Variants in POU2F2 observed in about 807,000 individuals in gnomAD.
POU2F2 encodes the protein POU class 2 homeobox 2.
In POU2F2, 14 loss-of-function variants were observed where a neutral mutation model predicts 63.5. The observed-to-expected ratio is 0.22, with a 90% CI of 0.15 to 0.34. The LOEUF (loss-of-function observed/expected upper bound fraction) is 0.34, where lower values mean the gene tolerates loss of function less well. Among genes scored for constraint, POU2F2 ranks in the 10% least tolerant of loss-of-function variants. The pLI is 1.00. For missense variants in POU2F2, 607 were observed against 815.2 expected, an observed-to-expected ratio of 0.74 and a Z score of 3.11; for synonymous variants, 306 against 348.6, an observed-to-expected ratio of 0.88 and a Z score of 1.36.
At chr19:42,154,247 G>T (rs1477769315) in intron 2 of POU2F2, among the ~76,000 whole-genome samples, 2 of 151,682 alleles carry the variant, frequency 1.3e-5, no homozygotes, top group Non-Finnish European at 2.9e-5. Flanking sequence ...GGCAGGGATG[G>T]ACAGCCAGAG....
intron 1 of POU2F2, among the ~76,000 whole-genome samples, chr19:42,171,431 CGTGTGTGTGTGTGTGT>C (rs71336804): frequency 1.4e-5 from 2 of 138,544 alleles, no homozygotes; most frequent in Admixed American, 7.2e-5. Flanking sequence ...GGCTGCGCTT[CGTGTGTGTGTGTGTGT>C]GTGTGTGTGT....
chr19:42,149,301 C>T (rs2034293846), intron 2 of POU2F2, among the ~76,000 whole-genome samples: 1 of 152,306 alleles, frequency 6.6e-6, no homozygotes, highest in Middle Eastern at 3.4e-3. Flanking sequence ...TCCCTAGACA[C>T]TGACACTGCC....
rs114121475 is a variant in POU2F2, at chr19:42,111,741, A to C, written c.369+5509T>G. ...CATCCTCACCCTCCTGGCTCAAGCCACCCTCATGTCCCATCTGTATGCCTT... is the reference window on the plus strand; with the variant it reads ...CATCCTCACCCTCCTGGCTCAAGCCCCCCTCATGTCCCATCTGTATGCCTT... On this transcript the variant is annotated intron_variant, in intron 5 of 14. Transcript: ENST00000692977. Among the ~76,000 whole-genome samples, 1,001 of 152,166 alleles carry C rather than the reference A, an allele frequency of 6.6e-3. 14 individuals carry two copies. The highest frequency in any genetic ancestry group is 0.023 in the African/African-American group (958 of 41,488).
chr19:42,121,242 C>T (rs2032575943), intron 4 of POU2F2, among the ~76,000 whole-genome samples: 1 of 152,188 alleles, frequency 6.6e-6, no homozygotes, highest in Non-Finnish European at 1.5e-5. Context: ...GAGAGCCTGT[C>T]TCCCCTAGAC....
rs1174328639 is a variant in POU2F2, at chr19:42,096,499, C to T, written c.568-256G>A. 6.6e-6 allele frequency among the ~76,000 whole-genome samples: 1 copy of T among 152,228 alleles called. No homozygotes were observed. The highest frequency in any genetic ancestry group is 1.5e-5 in the Non-Finnish European group (1 of 68,040). ...CCTGGGACTCTCTGCACTGTCCCTT[C>T]ACGCCTGCGAACTCCCAGAAGGAGC... On this transcript the variant is annotated intron_variant, in intron 7 of 14. Coordinates refer to ENST00000692977, the MANE Select transcript of POU2F2 (RefSeq NM_001394376.1). The surrounding 1 kb of genome is among the most constrained non-coding windows in gnomAD (Gnocchi z 4.1).
intron 1 of POU2F2, among the ~76,000 whole-genome samples, chr19:42,184,738 C>A (rs1297905716): frequency 2.6e-5 from 4 of 152,162 alleles, no homozygotes; most frequent in Non-Finnish European, 5.9e-5. Context: ...ATCCTCTTGG[C>A]ATCTAAGAAA....
chr19:42,187,170 A>G (rs1159805449), intron 1 of POU2F2, among the ~76,000 whole-genome samples: 2 of 152,158 alleles, frequency 1.3e-5, no homozygotes, highest in Admixed American at 1.3e-4. Context: ...CCACATTTCA[A>G]AGGTGGGCAG....
At chr19:42,172,314 G>C (rs1316246006) in intron 1 of POU2F2, among the ~76,000 whole-genome samples, 1 of 152,168 alleles carries the variant, frequency 6.6e-6, no homozygotes, top group East Asian at 1.9e-4. Flanking sequence ...CAGAGTCTAG[G>C]CCTTTGTTGG....
In POU2F2 at chr19:42,138,506, G is replaced by A. The variant is rs1389101839; in HGVS notation, c.-8-15930C>T. ...TTGTCCTCAAGTTCCTTTGAGGTTG[G>A]ATTTGAAGTTGCAGGTGGAAGGCTT... On this transcript the variant is annotated intron_variant, in intron 2 of 6. Transcript: ENST00000524801. 2.6e-5 allele frequency among the ~76,000 whole-genome samples: 4 copies of A among 152,218 alleles called. No individual in the cohort carries two copies. In the East Asian group the frequency reaches 7.7e-4, roughly 29 times the overall value.
intron 1 of POU2F2, among the ~76,000 whole-genome samples, chr19:42,130,180 C>T (rs1394235794): frequency 1.3e-5 from 2 of 152,124 alleles, no homozygotes; most frequent in Non-Finnish European, 2.9e-5. Context: ...ACATACTACA[C>T]CCAGTCACTC....
Position 42,117,080 on chromosome 19 carries a change from G to T in POU2F2, c.369+170C>A. ...GCAGAGAAGGCAGAGAGGGGTTAGT[G>T]CCTAAGCCAAGCAAGTAAGGGGACA... On this transcript the variant is annotated intron_variant, in intron 5 of 14. Coordinates refer to ENST00000692977, the MANE Select transcript of POU2F2 (RefSeq NM_001394376.1). The surrounding 1 kb of genome is among the most constrained non-coding windows in gnomAD (Gnocchi z 4.4). 1 of 675,408 alleles carries T rather than the reference G, an allele frequency of 1.5e-6. No individual in the cohort carries two copies. The allele number at this position is 675,408 out of a possible 1,614,324, so 41.8% of individuals were successfully genotyped here.
chr19:42,097,201 T>G (rs1292199986), intron 7 of POU2F2, among the ~76,000 whole-genome samples: 4 of 149,956 alleles, frequency 2.7e-5, no homozygotes, highest in South Asian at 4.2e-4. Context: ...AGTTTTTTTT[T>G]TTTTTTTTTT....
rs569162404 is a variant in POU2F2, at chr19:42,088,035, T to C, written c.*3222A>G. 1 of 152,326 alleles carries C rather than the reference T, an allele frequency of 6.6e-6. No homozygotes were observed. Among genetic ancestry groups the C allele is most frequent in the South Asian group, 2.1e-4 (1 of 4,820 alleles). 9.4% of individuals were successfully genotyped at this position (152,326 alleles called of 1,614,324 possible). On this transcript the variant is annotated 3_prime_UTR_variant, in exon 15 of 15. Coordinates refer to ENST00000692977, the MANE Select transcript of POU2F2 (RefSeq NM_001394376.1). ...GGCTCCCTCCAGCCCCCCAGCCCCT[T>C]GCCCTGGCTGGCCCCCAGCCAACGA... is the stretch of plus-strand genomic sequence containing the variant.
intron 1 of POU2F2, among the ~76,000 whole-genome samples, chr19:42,173,226 G>A (rs959025261): frequency 6.6e-6 from 1 of 152,100 alleles, no homozygotes; most frequent in Non-Finnish European, 1.5e-5. Context: ...TTCACACTTG[G>A]GTTTCTCAAC....
At chr19:42,191,581 C>T (rs1371337759) in intron 1 of POU2F2, among the ~76,000 whole-genome samples, 1 of 152,150 alleles carries the variant, frequency 6.6e-6, no homozygotes, top group Non-Finnish European at 1.5e-5. Flanking sequence ...GGGACCTTGA[C>T]TATTAGAGAG....
chr19:42,189,427 G>A (rs1324792091), intron 1 of POU2F2, among the ~76,000 whole-genome samples: 2 of 152,130 alleles, frequency 1.3e-5, no homozygotes, highest in Non-Finnish European at 1.5e-5. Flanking sequence ...TTGTACCCAG[G>A]GCCCTGAGGA....
intron 1 of POU2F2, among the ~76,000 whole-genome samples, chr19:42,168,929 G>A (rs1023480142): frequency 6.6e-6 from 1 of 152,294 alleles, no homozygotes; most frequent in East Asian, 1.9e-4. Flanking sequence ...CTTACCAGGT[G>A]TATTTATAAC....
intron 1 of POU2F2, among the ~76,000 whole-genome samples, chr19:42,194,233 A>G (rs1161491831): frequency 1.3e-5 from 2 of 151,086 alleles, no homozygotes; most frequent in Non-Finnish European, 2.9e-5. Flanking sequence ...AAAAATAATA[A>G]TAATAAGCCA....
rs7251974 is a variant in POU2F2 at position 42,161,213 on chromosome 19, C to A, written c.-69-821G>T. ...AGACAAATTTTAATCAGAGAAAGAA[C>A]CAGGTGCAAGGAACGAGAGAATGCC... On this transcript the variant is annotated intron_variant, in intron 1 of 6. Transcript: ENST00000524801. Among the ~76,000 whole-genome samples, 573 of 152,266 alleles carry A rather than the reference C, an allele frequency of 3.8e-3. 2 individuals carry two copies. Among genetic ancestry groups the A allele is most frequent in the South Asian group, 0.015 (74 of 4,822 alleles).
Sources: allele counts gnomAD v4.1 joint callset (sites outside exome capture counted in the v4.1 genomes callset), GRCh38; gene constraint gnomAD v4.1.1; non-coding constraint Gnocchi (gnomAD v3.1); transcripts MANE v1.5; gene names NCBI Gene and HGNC (gene_info 2026-07-23, HGNC 2026-07-21).